Variants in ABTB3 observed in about 807,000 individuals in gnomAD.
ABTB3 encodes the protein ankyrin repeat and BTB domain containing 3.
At chr12:107,444,896 G>C in the ABTB3 span, among the ~76,000 whole-genome samples, 7 of 152,164 alleles carry the variant, frequency 4.6e-5, no homozygotes, top group Non-Finnish European at 1.0e-4. Context: ...GGCTGGGAGG[G>C]TAGGGGGACC....
the ABTB3 span, among the ~76,000 whole-genome samples, chr12:107,600,697 G>C: frequency 2.0e-5 from 3 of 152,246 alleles, no homozygotes; most frequent in South Asian, 6.2e-4. Flanking sequence ...TCCCCAGGCA[G>C]ATGGCTGCTG....
chr12:107,395,536 T>C, the ABTB3 span, among the ~76,000 whole-genome samples: 6 of 152,234 alleles, frequency 3.9e-5, no homozygotes, highest in African/African-American at 1.4e-4. Flanking sequence ...ATCTACTCTA[T>C]GCAGGGTTTG....
At chr12:107,322,703 T>C in the ABTB3 span, among the ~76,000 whole-genome samples, 1 of 30,042 alleles carries the variant, frequency 3.3e-5, no homozygotes, top group African/African-American at 1.4e-4. Context: ...ATTGACCCAT[T>C]TGATCCCCAG....
the ABTB3 span, among the ~76,000 whole-genome samples, chr12:107,565,311 G>GTTTTT: frequency 6.6e-6 from 1 of 151,730 alleles, no homozygotes; most frequent in African/African-American, 2.4e-5. Flanking sequence ...TTTTTTTTCT[G>GTTTTT]AATCTAATGT....
At chr12:107,435,978 T>C in the ABTB3 span, among the ~76,000 whole-genome samples, 1,167 of 152,266 alleles carry the variant, frequency 7.7e-3, 23 homozygotes, top group African/African-American at 0.026. Flanking sequence ...TTTGAATAAT[T>C]TAAGTAGCCA....
chr12:107,596,688 T>C, the ABTB3 span, among the ~76,000 whole-genome samples: 1 of 152,118 alleles, frequency 6.6e-6, no homozygotes, highest in Admixed American at 6.5e-5. Context: ...AGTCTTGGGA[T>C]TGCATTGGCC....
chr12:107,446,574 A>G, the ABTB3 span, among the ~76,000 whole-genome samples: 4 of 152,186 alleles, frequency 2.6e-5, no homozygotes, highest in South Asian at 2.1e-4. Context: ...AGCAAGCCCT[A>G]TGTGACCAAA....
chr12:107,635,701 A>ACACTG, the ABTB3 span, among the ~76,000 whole-genome samples: 3 of 152,112 alleles, frequency 2.0e-5, no homozygotes, highest in Non-Finnish European at 4.4e-5. Flanking sequence ...AAAGAAGTCC[A>ACACTG]CACTGCACGT....
chr12:107,450,026 A>G, the ABTB3 span, among the ~76,000 whole-genome samples: 5 of 152,178 alleles, frequency 3.3e-5, no homozygotes, highest in Non-Finnish European at 7.3e-5. Context: ...TAGGTGCTCA[A>G]GGAATGCCAG....
chr12:107,511,221 A>AAC, the ABTB3 span, among the ~76,000 whole-genome samples: 1 of 152,362 alleles, frequency 6.6e-6, no homozygotes, highest in Admixed American at 6.5e-5. Context: ...TCTACACAGC[A>AAC]ACATGGGGAA....
At chr12:107,498,179 G>A in the ABTB3 span, among the ~76,000 whole-genome samples, 2 of 152,204 alleles carry the variant, frequency 1.3e-5, no homozygotes, top group East Asian at 3.9e-4. Context: ...AGGAGAAATG[G>A]CATTCTTTGG....
the ABTB3 span, among the ~76,000 whole-genome samples, chr12:107,420,014 C>T: frequency 6.6e-6 from 1 of 152,136 alleles, no homozygotes; most frequent in Non-Finnish European, 1.5e-5. Flanking sequence ...CCTTGTAGGC[C>T]AAGTTGAGAG....
At chr12:107,475,794 GC>G in the ABTB3 span, among the ~76,000 whole-genome samples, 1 of 152,056 alleles carries the variant, frequency 6.6e-6, no homozygotes, top group Non-Finnish European at 1.5e-5. Flanking sequence ...TGACATGAAA[GC>G]CCTTATCTGT....
chr12:107,649,416 T>C, the ABTB3 span: 1 of 777,948 alleles, frequency 1.3e-6, no homozygotes, highest in Admixed American at 1.9e-5. Flanking sequence ...GGGGCTCTTG[T>C]TCCTTCCTGA....
the ABTB3 span, among the ~76,000 whole-genome samples, chr12:107,426,110 C>T: frequency 6.6e-6 from 1 of 152,230 alleles, no homozygotes; most frequent in African/African-American, 2.4e-5. Context: ...TTTTCGACTC[C>T]TCTCCTGGGT....
chr12:107,500,320 G>A, the ABTB3 span, among the ~76,000 whole-genome samples: 133 of 152,240 alleles, frequency 8.7e-4, 3 homozygotes, highest in East Asian at 0.022. Context: ...TGACCTCTTC[G>A]TTGTCTGGAT....
the ABTB3 span, among the ~76,000 whole-genome samples, chr12:107,526,754 T>A: frequency 6.6e-6 from 1 of 152,150 alleles, no homozygotes; most frequent in Non-Finnish European, 1.5e-5. Context: ...AATTTACAAC[T>A]GTATAAAAAG....
the ABTB3 span, among the ~76,000 whole-genome samples, chr12:107,342,402 A>G: frequency 6.6e-6 from 1 of 152,048 alleles, no homozygotes; most frequent in Non-Finnish European, 1.5e-5. Flanking sequence ...CTCTCAGCTG[A>G]AAGGACCATG....
At chr12:107,548,759 G>A in the ABTB3 span, among the ~76,000 whole-genome samples, 1 of 152,222 alleles carries the variant, frequency 6.6e-6, no homozygotes, top group South Asian at 2.1e-4. Context: ...GGGGCCATGT[G>A]AGGGTACTGT....
Sources: gnomAD v4.1 joint callset for allele counts (sites outside exome capture counted in the v4.1 genomes callset) on GRCh38, gnomAD v4.1.1 for gene constraint, MANE v1.5 for transcripts, NCBI Gene and HGNC (gene_info 2026-07-23, HGNC 2026-07-21) for gene names.